The following RFFL variants were observed in gnomAD, a reference collection of about 807,000 sequenced individuals.
RFFL encodes the protein ring finger and FYVE like domain containing E3 ubiquitin protein ligase.
RFFL carries 16 observed loss-of-function variants against 40.4 expected under a neutral mutation model. The ratio of observed to expected loss-of-function variants is 0.40; its 90% CI spans 0.27 to 0.60. RFFL has a LOEUF of 0.60. Among genes scored for constraint, RFFL ranks in the 20% least tolerant of loss-of-function variants. The probability of loss-of-function intolerance (pLI) is 0.47; values close to 1 mark genes in which losing one functional copy is unlikely to be tolerated. For synonymous variants in RFFL, 154 were observed against 167.9 expected, an observed-to-expected ratio of 0.92 and a Z score of 0.64; for missense variants, 367 against 451.7, an observed-to-expected ratio of 0.81 and a Z score of 1.70.
chr17:35,039,396 T>C (rs2091147954), intron 1 of RFFL, among the ~76,000 whole-genome samples: 1 of 151,802 alleles, frequency 6.6e-6, no homozygotes, highest in Non-Finnish European at 1.5e-5. Flanking sequence ...ATTTTTGTAT[T>C]TTTAGTAGAG....
At chr17:35,058,597 C>G (rs1409176267) in intron 1 of RFFL, among the ~76,000 whole-genome samples, 2 of 151,970 alleles carry the variant, frequency 1.3e-5, no homozygotes, top group Non-Finnish European at 2.9e-5. Context: ...ATGGTGAAAC[C>G]CCGTATCTAC....
intron 1 of RFFL, among the ~76,000 whole-genome samples, chr17:35,075,376 G>T (rs531490697): frequency 6.6e-6 from 1 of 152,278 alleles, no homozygotes; most frequent in South Asian, 2.1e-4. Flanking sequence ...AGTATTCAGG[G>T]AATGACCATC....
chr17:35,012,510 G>C (rs1328223726), intron 6 of RFFL, among the ~76,000 whole-genome samples: 2 of 152,176 alleles, frequency 1.3e-5, no homozygotes, highest in Non-Finnish European at 2.9e-5. Context: ...GTGGCACGTA[G>C]GGACTCATTA....
chr17:35,043,094 C>T (rs1282222056), intron 1 of RFFL, among the ~76,000 whole-genome samples: 2 of 152,056 alleles, frequency 1.3e-5, no homozygotes, highest in African/African-American at 2.4e-5. Context: ...ATGCATATTT[C>T]CTAGGTAAGA....
chr17:35,056,534 C>T (rs140412675), intron 1 of RFFL, among the ~76,000 whole-genome samples: 34 of 151,888 alleles, frequency 2.2e-4, no homozygotes, highest in African/African-American at 7.0e-4. Context: ...TGCACCACCA[C>T]GCCCGGCTAA....
intron 6 of RFFL, among the ~76,000 whole-genome samples, chr17:35,012,666 G>T (rs1371423624): frequency 6.6e-6 from 1 of 152,174 alleles, no homozygotes; most frequent in Non-Finnish European, 1.5e-5. Flanking sequence ...GATCATGGGG[G>T]ACCCCTCTGC....
At chr17:35,046,121 T>C (rs534580028) in intron 1 of RFFL, among the ~76,000 whole-genome samples, 1 of 152,030 alleles carries the variant, frequency 6.6e-6, no homozygotes, top group East Asian at 1.9e-4. Flanking sequence ...AGCAATACCT[T>C]GAACGAAAGA....
chr17:35,087,855 A>C (rs1421680274), intron 1 of RFFL, among the ~76,000 whole-genome samples: 2 of 152,240 alleles, frequency 1.3e-5, no homozygotes, highest in African/African-American at 4.8e-5. Context: ...AAGAGAATGT[A>C]ATCAGAGAAA....
chr17:35,076,579 G>A (rs1178087230), intron 1 of RFFL, among the ~76,000 whole-genome samples: 1 of 151,592 alleles, frequency 6.6e-6, no homozygotes, highest in African/African-American at 2.4e-5. Context: ...TTGGGAGGCT[G>A]AGGCAGGAGA....
chr17:35,043,655 GGA>G (rs1186632213), intron 1 of RFFL, among the ~76,000 whole-genome samples: 2 of 152,076 alleles, frequency 1.3e-5, no homozygotes, highest in African/African-American at 4.8e-5. Flanking sequence ...GAAAATTGGG[GGA>G]GTTATTCAGA....
intron 1 of RFFL, among the ~76,000 whole-genome samples, chr17:35,086,089 G>GTTTTACTATTT (rs1486880667): frequency 2.0e-4 from 30 of 152,276 alleles, no homozygotes; most frequent in African/African-American, 6.7e-4. Flanking sequence ...AGCCAAATTA[G>GTTTTACTATTT]TTTTACTATT....
chr17:35,016,308 G>A (rs1172041605), intron 5 of RFFL, 62 bp downstream of exon 5: 1 of 1,447,968 alleles, frequency 6.9e-7, no homozygotes, highest in Non-Finnish European at 9.7e-7. Context: ...ATACCATCAT[G>A]CTTTGGAGTG....
chr17:35,029,803 T>G lies in RFFL; in HGVS notation c.-8-3242A>C, dbSNP rs534135743. Among the ~76,000 whole-genome samples, 10 of 151,486 alleles carry G rather than the reference T, an allele frequency of 6.6e-5. 1 individual carries two copies. In the South Asian group the frequency reaches 2.1e-3, roughly 32 times the overall value. On this transcript the variant is annotated intron_variant, in intron 1 of 6. Coordinates refer to ENST00000394597, the MANE Select transcript of RFFL (RefSeq NM_001017368.2). ...TGTGCTGCACCCATTAACTCGTTAT[T>G]TAGCATTAGGTATATCTCCTAATGC...
intron 2 of RFFL, among the ~76,000 whole-genome samples, chr17:35,021,988 G>A (rs2091012017): frequency 6.6e-6 from 1 of 152,198 alleles, no homozygotes; most frequent in African/African-American, 2.4e-5. Context: ...ACTATGTATT[G>A]TGTATATCCA....
At chr17:35,063,793 G>C (rs971918755), upstream of RFFL, 2 of 152,198 alleles carry the variant, frequency 1.3e-5, no homozygotes, top group African/African-American at 4.8e-5. Flanking sequence ...GACTCACGCT[G>C]GGCAAAATTT....
rs1859248 is a variant in RFFL, at chr17:35,010,392, G to T, written c.*1576C>A. ...CTTAAGTCCTCCAGCTCCTCTAGGG[G>T]TGTAAAGACTGTGAGGGCTCAAATA... On this transcript the variant is annotated 3_prime_UTR_variant, in exon 7 of 7. Coordinates refer to ENST00000394597, the MANE Select transcript of RFFL (RefSeq NM_001017368.2). 6.6e-6 allele frequency: 1 copy of T among 152,076 alleles called. No individual in the cohort carries two copies. The highest frequency in any genetic ancestry group is 1.5e-5 in the Non-Finnish European group (1 of 68,078). The allele number at this position is 152,076 out of a possible 1,614,324, so 9.4% of individuals were successfully genotyped here.
upstream of RFFL, among the ~76,000 whole-genome samples, chr17:35,066,855 T>C (rs957500333): frequency 3.8e-4 from 58 of 151,944 alleles, no homozygotes; most frequent in Admixed American, 1.3e-4. Flanking sequence ...ATCTTGGTGT[T>C]CAGTGACCTC....
At position 35,060,609 on chromosome 17, in the gene RFFL, G is replaced by A. The variant is rs181307817; in HGVS notation, c.-9+2967C>T. ...CACCATAAAAATGTCGTGATATTGCGGGACTAGATCTCAGCAAACCCTTTA... is the reference window on the plus strand; with the variant it reads ...CACCATAAAAATGTCGTGATATTGCAGGACTAGATCTCAGCAAACCCTTTA... On this transcript the variant is annotated intron_variant, in intron 1 of 6. Coordinates refer to ENST00000394597, the MANE Select transcript of RFFL (RefSeq NM_001017368.2). Among the ~76,000 whole-genome samples, 582 of 152,212 alleles carry A rather than the reference G, an allele frequency of 3.8e-3. 3 individuals carry two copies. Among genetic ancestry groups the A allele is most frequent in the African/African-American group, 0.013 (528 of 41,500 alleles).
At position 35,028,355 on chromosome 17, in the gene RFFL, AG is replaced by A. The variant is rs2091057369; in HGVS notation, c.-8-1795del. ...GAGACCTTGTCTCAAAAAAAAAAAA[AG>A]TGTTGGTTTATTACTCCCATAGTAC... On this transcript the variant is annotated intron_variant, in intron 1 of 6. Coordinates refer to ENST00000394597, the MANE Select transcript of RFFL (RefSeq NM_001017368.2). Among the ~76,000 whole-genome samples the A allele has an allele frequency of 1.3e-5, 2 of 151,976 alleles. 1 individual carries two copies. The highest frequency in any genetic ancestry group is 4.1e-4 in the South Asian group (2 of 4,832).
Sources: allele counts gnomAD v4.1 joint callset (sites outside exome capture counted in the v4.1 genomes callset), GRCh38; gene constraint gnomAD v4.1.1; transcripts MANE v1.5; gene names NCBI Gene and HGNC (gene_info 2026-07-23, HGNC 2026-07-21).